FAM114A1: variants seen among roughly 807,000 people sequenced by gnomAD.
The protein encoded by FAM114A1 is family with sequence similarity 114 member A1.
In FAM114A1, 62 loss-of-function variants were observed where a neutral mutation model predicts 64.3. The observed-to-expected ratio is 0.96, with a 90% CI of 0.79 to 1.19. FAM114A1 has a LOEUF of 1.19. Ranked by LOEUF, FAM114A1 falls within the 50% of genes most tolerant of loss-of-function variation. The pLI, the probability that FAM114A1 is intolerant of heterozygous loss-of-function variation, is 0.00. For missense variants in FAM114A1, 645 were observed against 676.3 expected, an observed-to-expected ratio of 0.95 and a Z score of 0.51; for synonymous variants, 254 against 251.1, an observed-to-expected ratio of 1.01 and a Z score of -0.11.
chr4:38,903,563 A>G (rs1267826122), intron 4 of FAM114A1, among the ~76,000 whole-genome samples: 2 of 151,988 alleles, frequency 1.3e-5, no homozygotes, highest in Admixed American at 6.6e-5. Flanking sequence ...TGGAAAATGC[A>G]TATATATATA....
intron 4 of FAM114A1, among the ~76,000 whole-genome samples, chr4:38,903,966 T>G (rs142431195): frequency 3.9e-5 from 6 of 152,228 alleles, no homozygotes; most frequent in Non-Finnish European, 7.3e-5. Flanking sequence ...AGGTTACAAC[T>G]GCTAAAATGC....
intron 9 of FAM114A1, among the ~76,000 whole-genome samples, chr4:38,927,302 G>A (rs1304763731): frequency 6.6e-6 from 1 of 152,146 alleles, no homozygotes; most frequent in Non-Finnish European, 1.5e-5. Flanking sequence ...CACAGCTTTG[G>A]AGACCGTAAA....
intron 3 of FAM114A1, among the ~76,000 whole-genome samples, chr4:38,887,975 T>C (rs776184817): frequency 2.0e-5 from 3 of 152,092 alleles, no homozygotes; most frequent in Non-Finnish European, 4.4e-5. Context: ...TGGATACAAG[T>C]TATACGCAGC....
intron 2 of FAM114A1, among the ~76,000 whole-genome samples, chr4:38,876,169 C>CTTTTTTTTTT (rs1163508013): frequency 5.8e-5 from 4 of 69,088 alleles, no homozygotes; most frequent in South Asian, 3.9e-4. Context: ...ATTCTTTTTT[C>CTTTTTTTTTT]TTTTTTTTTT....
chr4:38,872,904 A>G (rs1176756996), intron 2 of FAM114A1, among the ~76,000 whole-genome samples: 8 of 152,244 alleles, frequency 5.3e-5, no homozygotes, highest in Non-Finnish European at 1.2e-4. Flanking sequence ...CAGGCAGAGG[A>G]CAAGAGTTGG....
intron 12 of FAM114A1, among the ~76,000 whole-genome samples, chr4:38,933,205 C>G (rs1452698954): frequency 6.6e-6 from 1 of 152,148 alleles, no homozygotes; most frequent in African/African-American, 2.4e-5. Context: ...GAAGACTTAA[C>G]TAGCCATTCT....
chr4:38,935,253 A>G (rs1198758387), intron 12 of FAM114A1, among the ~76,000 whole-genome samples: 2 of 152,158 alleles, frequency 1.3e-5, no homozygotes, highest in Admixed American at 1.3e-4. Flanking sequence ...CCATCTATAT[A>G]AAATGGAAAT....
At chr4:38,940,099 C>T (rs541652302) in intron 13 of FAM114A1, among the ~76,000 whole-genome samples, 7 of 152,144 alleles carry the variant, frequency 4.6e-5, no homozygotes, top group East Asian at 3.9e-4. Context: ...CCATGTTGGC[C>T]GGGCTGGTCT....
intron 14 of FAM114A1, among the ~76,000 whole-genome samples, chr4:38,942,167 C>T (rs942103039): frequency 6.6e-6 from 1 of 152,170 alleles, no homozygotes; most frequent in African/African-American, 2.4e-5. Flanking sequence ...CCTCCCACAA[C>T]ATGTGGAAAT....
At position 38,878,231 on chromosome 4, in the gene FAM114A1, G is replaced by A. The variant is rs1714854105; in HGVS notation, c.153G>A (p.Glu51=). 2 of 1,614,202 alleles carry A rather than the reference G, an allele frequency of 1.2e-6. No individual in the cohort carries two copies. Among genetic ancestry groups the A allele is most frequent in the Non-Finnish European group, 8.5e-7 (1 of 1,180,034 alleles). Residue 51 remains glutamate (E), a synonymous_variant, in exon 3 of 15, where the codon GAG becomes GAA. Coordinates refer to ENST00000358869, the MANE Select transcript of FAM114A1 (RefSeq NM_138389.4). The stretch of plus-strand genomic sequence containing the variant: ...CAACACCAGCTGACCCCAGAGGGGA[G>A]GGGCATGAAAATGCAGCTGTGCAGG... ...HEPTPADPRG[E]GHENAAVQGA... is the part of the protein sequence containing the mutation.
chr4:38,915,618 T>C (rs892486135), intron 8 of FAM114A1, among the ~76,000 whole-genome samples: 4 of 152,284 alleles, frequency 2.6e-5, no homozygotes, highest in African/African-American at 9.6e-5. Flanking sequence ...TACACACACC[T>C]GGGAAACCCA....
Position 38,905,358 on chromosome 4 carries a change from C to T in FAM114A1, c.437-164C>T, listed in dbSNP as rs539300083. ...AGGTTGCAGTGAGCCAAGATTGCAC[C>T]ACTGCACTCCAGCCTGGGTGACAGA... On this transcript the variant is annotated intron_variant, in intron 4 of 14. Coordinates refer to ENST00000358869, the MANE Select transcript of FAM114A1 (RefSeq NM_138389.4). Among the ~76,000 whole-genome samples the T allele has an allele frequency of 2.0e-5, 3 of 151,724 alleles. No individual in the cohort carries two copies. The East Asian group carries it at 5.8e-4, about 29-fold the overall frequency.
At chr4:38,907,920 A>T (rs572601329) in intron 6 of FAM114A1, among the ~76,000 whole-genome samples, 40 of 152,282 alleles carry the variant, frequency 2.6e-4, no homozygotes, top group African/African-American at 8.9e-4. Flanking sequence ...TTAATTTTTT[A>T]AAAAAAGCAA....
intron 8 of FAM114A1, among the ~76,000 whole-genome samples, chr4:38,917,923 A>G (rs1719225122): frequency 6.6e-6 from 1 of 152,076 alleles, no homozygotes. Flanking sequence ...TACTATAATA[A>G]ACAGTCCTAC....
At chr4:38,875,874 G>A (rs73811245) in intron 2 of FAM114A1, among the ~76,000 whole-genome samples, 2,197 of 152,192 alleles carry the variant, frequency 0.014, 54 homozygotes, top group African/African-American at 0.047. Flanking sequence ...TATCACCACC[G>A]AAAGTTCCAT....
chr4:38,914,369 A>G (rs1324999535), intron 7 of FAM114A1, among the ~76,000 whole-genome samples: 1 of 152,088 alleles, frequency 6.6e-6, no homozygotes, highest in Non-Finnish European at 1.5e-5. Context: ...GTTTGAGACC[A>G]GTCTGGGCAA....
chr4:38,927,108 G>A (rs1720186745), intron 9 of FAM114A1, among the ~76,000 whole-genome samples: 1 of 152,110 alleles, frequency 6.6e-6, no homozygotes, highest in African/African-American at 2.4e-5. Flanking sequence ...CTCTACTCTT[G>A]CTACACTGCA....
At chr4:38,882,457 C>A (rs1430635246) in intron 3 of FAM114A1, among the ~76,000 whole-genome samples, 1 of 151,820 alleles carries the variant, frequency 6.6e-6, no homozygotes, top group African/African-American at 2.4e-5. Flanking sequence ...TGGAGAAACC[C>A]CGTCTCTGCT....
At chr4:38,908,442 T>C (rs1326513031) in intron 6 of FAM114A1, 150 bp from the exon 7 acceptor site, 2 of 660,386 alleles carry the variant, frequency 3.0e-6, no homozygotes, top group Non-Finnish European at 4.8e-6. Flanking sequence ...AGAATAGGAT[T>C]AAATGGATGA....
Sources: allele counts gnomAD v4.1 joint callset (sites outside exome capture counted in the v4.1 genomes callset), GRCh38; gene constraint gnomAD v4.1.1; transcripts MANE v1.5; gene names NCBI Gene and HGNC (gene_info 2026-07-23, HGNC 2026-07-21).